The following GPC6 variants were observed in gnomAD, a reference collection of about 807,000 sequenced individuals.
The protein encoded by GPC6 is glypican 6, also known as glypican-6.
A neutral mutation model predicts 55.2 loss-of-function variants in GPC6; 14 were observed. The ratio of observed to expected loss-of-function variants is 0.25; its 90% CI spans 0.17 to 0.40. The LOEUF is 0.40. Among genes scored for constraint, GPC6 ranks in the 10% least tolerant of loss-of-function variants. The pLI is 1.00. For missense variants in GPC6, 641 were observed against 708.5 expected (o/e 0.90, Z 1.08); for synonymous variants, 278 against 259.6 (o/e 1.07, Z -0.68).
chr13:94,042,269 A>G (rs1167950216), intron 4 of GPC6, among the ~76,000 whole-genome samples: 1 of 151,762 alleles, frequency 6.6e-6, no homozygotes, highest in Non-Finnish European at 1.5e-5. Flanking sequence ...AGAAGCCACC[A>G]TACTTCCTGT....
chr13:94,334,986 G>GTGAT (rs1460527643), intron 6 of GPC6, among the ~76,000 whole-genome samples: 1 of 152,230 alleles, frequency 6.6e-6, no homozygotes, highest in African/African-American at 2.4e-5. Context: ...ACTATTTATT[G>GTGAT]TGATTGTAAC....
At chr13:94,389,658 G>A (rs932128821) in intron 7 of GPC6, among the ~76,000 whole-genome samples, 3 of 152,138 alleles carry the variant, frequency 2.0e-5, no homozygotes, top group African/African-American at 7.2e-5. Context: ...AGGAGAGTAT[G>A]ACAGACAATG....
intron 1 of GPC6, among the ~76,000 whole-genome samples, chr13:93,402,169 G>A (rs1876114623): frequency 2.0e-5 from 3 of 152,150 alleles, no homozygotes; most frequent in African/African-American, 4.8e-5. Flanking sequence ...TGTGGGAACA[G>A]CAGTGCTAAT....
At chr13:94,046,588 C>G (rs375158243) in intron 4 of GPC6, among the ~76,000 whole-genome samples, 4 of 152,228 alleles carry the variant, frequency 2.6e-5, no homozygotes, top group South Asian at 4.2e-4. Context: ...ACTTTCCCCT[C>G]ATTGACCAAT....
chr13:94,351,804 T>C (rs1264684560), intron 6 of GPC6, among the ~76,000 whole-genome samples: 3 of 151,640 alleles, frequency 2.0e-5, no homozygotes, highest in Admixed American at 6.6e-5. Flanking sequence ...TCGGAGCATA[T>C]ACTCCTGAAT....
intron 1 of GPC6, among the ~76,000 whole-genome samples, chr13:93,269,612 C>T (rs1286471059): frequency 6.6e-6 from 1 of 151,832 alleles, no homozygotes; most frequent in Non-Finnish European, 1.5e-5. Flanking sequence ...AGAAGATCAA[C>T]AGAAGCCAAC....
At chr13:94,285,850 A>G (rs1270468919) in intron 4 of GPC6, among the ~76,000 whole-genome samples, 3 of 152,220 alleles carry the variant, frequency 2.0e-5, no homozygotes, top group Non-Finnish European at 2.9e-5. Context: ...AGGAATGCTG[A>G]GTAGTGTGAT....
At chr13:93,922,712 T>C (rs17174742) in intron 3 of GPC6, among the ~76,000 whole-genome samples, 50,491 of 152,110 alleles carry the variant, frequency 0.33, 8,603 homozygotes, top group Middle Eastern at 0.43. Flanking sequence ...TTTGTAAAGC[T>C]GTGAATACAG....
At chr13:94,131,155 T>C (rs1886987257) in intron 4 of GPC6, among the ~76,000 whole-genome samples, 1 of 152,114 alleles carries the variant, frequency 6.6e-6, no homozygotes, top group African/African-American at 2.4e-5. Context: ...ATATAAGTAC[T>C]TAAGAAGAAA....
At chr13:93,242,369 C>T (rs981976779) in intron 1 of GPC6, among the ~76,000 whole-genome samples, 2 of 152,186 alleles carry the variant, frequency 1.3e-5, no homozygotes, top group African/African-American at 4.8e-5. Context: ...TCAGATTAGA[C>T]AAGCATCTTT....
At chr13:93,355,831 A>C (rs1880828851) in intron 1 of GPC6, among the ~76,000 whole-genome samples, 1 of 152,084 alleles carries the variant, frequency 6.6e-6, no homozygotes, top group Admixed American at 6.5e-5. Context: ...GGAAATAAAA[A>C]GGAAGTATGG....
chr13:93,897,476 G>T (rs988728820), intron 3 of GPC6, among the ~76,000 whole-genome samples: 2 of 151,974 alleles, frequency 1.3e-5, no homozygotes, highest in Non-Finnish European at 2.9e-5. Context: ...AAAATCAAAT[G>T]AAACAATTCA....
At chr13:93,686,282 C>T (rs575304723) in intron 2 of GPC6, among the ~76,000 whole-genome samples, 141 of 152,218 alleles carry the variant, frequency 9.3e-4, no homozygotes, top group Non-Finnish European at 1.7e-3. Flanking sequence ...CAGAAGCATA[C>T]TGGATAAAAT....
rs562313310 is a variant in GPC6, at chr13:93,727,963, T to A, written c.320-102191T>A. Among the ~76,000 whole-genome samples, 3 of 152,244 alleles carry A rather than the reference T, an allele frequency of 2.0e-5. No homozygotes were observed. In the East Asian group the frequency reaches 5.8e-4, roughly 30 times the overall value. ...CCTGTTTGCTGTGACTGTGTCCTTA[T>A]GACCTTGACATTTGCCGTTCCCTCC... On this transcript the variant is annotated intron_variant, in intron 2 of 8. Transcript: ENST00000377047.
chr13:94,201,134 G>C (rs994693775), intron 4 of GPC6, among the ~76,000 whole-genome samples: 2 of 152,240 alleles, frequency 1.3e-5, no homozygotes, highest in Non-Finnish European at 2.9e-5. Context: ...TCCTCAGACA[G>C]AATGTTCTGG....
chr13:93,544,867 T>G (rs565621781), intron 1 of GPC6, among the ~76,000 whole-genome samples: 1 of 152,248 alleles, frequency 6.6e-6, no homozygotes, highest in Admixed American at 6.5e-5. Context: ...TTTTCTTGCT[T>G]TTGGTGATGG....
At chr13:93,822,185 T>C (rs1224613741) in intron 2 of GPC6, among the ~76,000 whole-genome samples, 4 of 152,090 alleles carry the variant, frequency 2.6e-5, no homozygotes, top group South Asian at 4.1e-4. Flanking sequence ...TTAATTATGA[T>C]TTACACAATA....
chr13:94,140,127 A>G, intron 4 of GPC6, among the ~76,000 whole-genome samples: 1 of 151,954 alleles, frequency 6.6e-6, no homozygotes. Flanking sequence ...ACCGAATAGT[A>G]TATTACTTCA....
chr13:93,815,438 T>A (rs1886817342), intron 2 of GPC6, among the ~76,000 whole-genome samples: 1 of 152,166 alleles, frequency 6.6e-6, no homozygotes, highest in African/African-American at 2.4e-5. Flanking sequence ...AATATAATTT[T>A]AACATGATGA....
Sources: gnomAD v4.1 joint callset for allele counts (sites outside exome capture counted in the v4.1 genomes callset) on GRCh38, gnomAD v4.1.1 for gene constraint, MANE v1.5 for transcripts, NCBI Gene and HGNC (gene_info 2026-07-23, HGNC 2026-07-21) for gene names.